SNX30: variants seen among roughly 807,000 people sequenced by gnomAD.
The protein encoded by SNX30 is sorting nexin family member 30.
A neutral mutation model predicts 46.4 loss-of-function variants in SNX30; 24 were observed. That is an observed-to-expected ratio of 0.52 (90% CI 0.37 to 0.73). The LOEUF (loss-of-function observed/expected upper bound fraction) is 0.73, where lower values mean the gene tolerates loss of function less well. Ranked by LOEUF, SNX30 falls within the 30% of genes least tolerant of loss-of-function variation. SNX30 has a pLI of 0.00. For missense variants in SNX30, 533 were observed against 555.7 expected, an observed-to-expected ratio of 0.96 and a Z score of 0.41; for synonymous variants, 189 against 211.5, an observed-to-expected ratio of 0.89 and a Z score of 0.92.
rs761831960 is a variant in SNX30, at chr9:112,864,360, C to T, written c.1215C>T (p.Leu405=). The T allele has an allele frequency of 4.3e-6, 7 of 1,614,104 alleles. No homozygotes were observed. The highest frequency in any genetic ancestry group is 5.1e-6 in the Non-Finnish European group (6 of 1,180,050). The change falls in exon 8 of 9, where the codon CTC becomes CTT. Residue 405 remains leucine (L), a synonymous_variant. Transcript: ENST00000374232. ...AGAGGCAGGACTTCCGGCAGCTACT[C>T]ATGGGGATGGCTGACAAGAACATCC... is the stretch of plus-strand genomic sequence containing the variant. The part of the protein sequence containing the change: ...NNKRQDFRQL[L]MGMADKNIQY...
intron 6 of SNX30, among the ~76,000 whole-genome samples, chr9:112,848,153 A>G (rs1335710232): frequency 6.6e-6 from 1 of 151,868 alleles, no homozygotes; most frequent in Non-Finnish European, 1.5e-5. Context: ...TGGGATGCAG[A>G]TCCCTATAAA....
intron 8 of SNX30, 80 bp from the exon 9 acceptor site, chr9:112,868,704 G>C: frequency 6.8e-7 from 1 of 1,460,540 alleles, no homozygotes; most frequent in Non-Finnish European, 9.6e-7. Context: ...GACAACGAAA[G>C]GGTAGGTCAG....
Position 112,881,264 on chromosome 9 carries a change from A to G in SNX30, n.3825-164A>G, listed in dbSNP as rs570515074. Among the ~76,000 whole-genome samples the G allele has an allele frequency of 7.2e-5, 11 of 152,298 alleles. No homozygotes were observed. The East Asian group carries it at 1.9e-3, about 27-fold the overall frequency. On this transcript the variant is annotated intron_variant and non_coding_transcript_variant, in intron 5 of 5. Coordinates refer to the SNX30 transcript ENST00000604751. The stretch of plus-strand genomic sequence containing the variant: ...GCTACAGCGCAGCACTTCTTGATGG[A>G]TGAACAACACCTGGAGTTGCTAAAA...
downstream of SNX30, chr9:112,879,873 G>T: frequency 6.6e-7 from 1 of 1,515,504 alleles, no homozygotes; most frequent in Non-Finnish European, 9.2e-7. Flanking sequence ...TGGGGTAAAG[G>T]TGAAACTGCC....
chr9:112,866,971 CT>C (rs1779936886), intron 8 of SNX30, among the ~76,000 whole-genome samples: 2 of 147,340 alleles, frequency 1.4e-5, no homozygotes, highest in Non-Finnish European at 1.5e-5. Flanking sequence ...AGAACTCCTC[CT>C]CCTTCCTCAG....
intron 8 of SNX30, among the ~76,000 whole-genome samples, chr9:112,865,624 C>CATATAT (rs796986603): frequency 0.015 from 1,202 of 78,636 alleles, 8 homozygotes; most frequent in Middle Eastern, 0.029. Flanking sequence ...CCTGTCACGC[C>CATATAT]ATATATATAT....
At chr9:112,749,820 G>C (rs528877682), upstream of SNX30, among the ~76,000 whole-genome samples, 1 of 152,308 alleles carries the variant, frequency 6.6e-6, no homozygotes, top group Admixed American at 6.5e-5. Context: ...GTTTGGAATG[G>C]GTAGGGAAAA....
At chr9:112,760,934 A>G (rs1839424247) in intron 1 of SNX30, among the ~76,000 whole-genome samples, 1 of 152,126 alleles carries the variant, frequency 6.6e-6, no homozygotes, top group South Asian at 2.1e-4. Context: ...TGGGGTGGGA[A>G]AAGCCCCAAG....
At chr9:112,881,913 T>G (rs1841582287), downstream of SNX30, among the ~76,000 whole-genome samples, 1 of 152,080 alleles carries the variant, frequency 6.6e-6, no homozygotes. Context: ...AAAATGGTGT[T>G]TCAGTTAAGA....
intron 2 of SNX30, among the ~76,000 whole-genome samples, chr9:112,811,408 G>C (rs968186130): frequency 3.9e-5 from 6 of 152,192 alleles, no homozygotes; most frequent in Non-Finnish European, 8.8e-5. Flanking sequence ...GAACGGCCTT[G>C]GGCCACAGTT....
At chr9:112,794,942 T>G (rs1840084831) in intron 1 of SNX30, among the ~76,000 whole-genome samples, 1 of 152,202 alleles carries the variant, frequency 6.6e-6, no homozygotes, top group Non-Finnish European at 1.5e-5. Flanking sequence ...AAATTGGTAT[T>G]TTGCAACAAT....
chr9:112,760,515 T>C (rs1037759424), intron 1 of SNX30, among the ~76,000 whole-genome samples: 17 of 152,292 alleles, frequency 1.1e-4, no homozygotes, highest in African/African-American at 4.1e-4. Context: ...ATGTCTTGCC[T>C]TTCTACTAGA....
chr9:112,862,159 A>T (rs988750084), intron 7 of SNX30, among the ~76,000 whole-genome samples: 4 of 152,258 alleles, frequency 2.6e-5, no homozygotes, highest in African/African-American at 9.6e-5. Context: ...TTTCTGGGTC[A>T]GTCAGAGTTC....
chr9:112,783,701 C>T (rs975664248), intron 1 of SNX30, among the ~76,000 whole-genome samples: 2 of 152,134 alleles, frequency 1.3e-5, no homozygotes, highest in African/African-American at 2.4e-5. Flanking sequence ...AGCCAGGTTG[C>T]GATGACAGTC....
intron 3 of SNX30, 104 bp downstream of exon 3, chr9:112,817,919 C>A (rs1387778060): frequency 2.7e-6 from 2 of 743,922 alleles, no homozygotes. Flanking sequence ...ACTCACCCAG[C>A]AAACATATAT....
In SNX30 at chr9:112,809,190, G is replaced by A. The variant is rs146046130; in HGVS notation, c.348+4223G>A. On this transcript the variant is annotated intron_variant, in intron 2 of 8. Transcript: ENST00000374232. ...CGGCCTCCGCCTCCCAGGTTCAAGCGATTCTCCTGCCTCAGCATCCTGAGT... is the reference window on the plus strand; with the variant it reads ...CGGCCTCCGCCTCCCAGGTTCAAGCAATTCTCCTGCCTCAGCATCCTGAGT... Among the ~76,000 whole-genome samples the A allele has an allele frequency of 6.9e-3, 1,045 of 151,606 alleles. 19 individuals are homozygous for A. Among genetic ancestry groups the A allele is most frequent in the Admixed American group, 0.04 (609 of 15,200 alleles).
At chr9:112,852,618 G>A (rs1379233726) in intron 7 of SNX30, among the ~76,000 whole-genome samples, 1 of 152,150 alleles carries the variant, frequency 6.6e-6, no homozygotes, top group Admixed American at 6.5e-5. Flanking sequence ...TTTGAGAGAT[G>A]AGCAAACCAA....
At chr9:112,764,470 G>C (rs1839499580) in intron 1 of SNX30, among the ~76,000 whole-genome samples, 1 of 152,168 alleles carries the variant, frequency 6.6e-6, no homozygotes, top group South Asian at 2.1e-4. Context: ...TAGAACTCCA[G>C]GGCTTAAGCA....
At chr9:112,790,784 A>T (rs1013689050) in intron 1 of SNX30, among the ~76,000 whole-genome samples, 2 of 152,212 alleles carry the variant, frequency 1.3e-5, no homozygotes, top group Non-Finnish European at 2.9e-5. Context: ...TTTACCATTT[A>T]AAAATGCTTT....
Sources: gnomAD v4.1 joint callset for allele counts (sites outside exome capture counted in the v4.1 genomes callset) on GRCh38, gnomAD v4.1.1 for gene constraint, MANE v1.5 for transcripts, NCBI Gene and HGNC (gene_info 2026-07-23, HGNC 2026-07-21) for gene names.